Variants in RIMOC1 observed in about 807,000 individuals in gnomAD.
RIMOC1 encodes RAB7A-interacting MON1-CCZ1 complex subunit 1.
the RIMOC1 span, among the ~76,000 whole-genome samples, chr5:41,910,274 C>G: frequency 6.6e-6 from 1 of 151,630 alleles, no homozygotes; most frequent in African/African-American, 2.4e-5. Context: ...TGTTGATCAC[C>G]CCCTCCCTCT....
the RIMOC1 span, among the ~76,000 whole-genome samples, chr5:41,913,826 T>C: frequency 4.6e-5 from 7 of 152,298 alleles, no homozygotes; most frequent in East Asian, 1.2e-3. Context: ...AAACAACTTA[T>C]TGTGAATACA....
chr5:41,905,399 G>A, the RIMOC1 span, among the ~76,000 whole-genome samples: 2 of 152,264 alleles, frequency 1.3e-5, no homozygotes, highest in African/African-American at 4.8e-5. Context: ...AGCCCCTCTA[G>A]TAGTGGGACA....
chr5:41,904,509 G>C, the RIMOC1 span: 1 of 1,578,312 alleles, frequency 6.3e-7, no homozygotes, highest in South Asian at 1.1e-5. Flanking sequence ...GGCAGACGGC[G>C]CTAAGGTACT....
the RIMOC1 span, chr5:41,911,387 G>C: frequency 2.9e-6 from 1 of 347,648 alleles, no homozygotes; most frequent in Non-Finnish European, 5.1e-6. Flanking sequence ...AATCTGCGAA[G>C]TTCTTTTTTT....
chr5:41,916,575 G>C, the RIMOC1 span: 392 of 581,134 alleles, frequency 6.7e-4, no homozygotes, highest in Non-Finnish European at 8.1e-4. Flanking sequence ...CTTGACTTTA[G>C]CTATATGAAT....
the RIMOC1 span, chr5:41,911,311 G>C: frequency 1.1e-5 from 8 of 751,248 alleles, no homozygotes; most frequent in Non-Finnish European, 1.5e-5. Flanking sequence ...TTTACTAGCT[G>C]GGTAATCATA....
chr5:41,904,798 T>C, the RIMOC1 span, among the ~76,000 whole-genome samples: 6 of 152,230 alleles, frequency 3.9e-5, no homozygotes, highest in African/African-American at 1.4e-4. Flanking sequence ...ATGGCTAAGA[T>C]GAATGATAAC....
At chr5:41,920,269 C>T in the RIMOC1 span, 24 of 152,040 alleles carry the variant, frequency 1.6e-4, no homozygotes, top group African/African-American at 5.8e-4. Flanking sequence ...AATTTGTAGA[C>T]CATGGCAGTT....
At chr5:41,907,608 A>C in the RIMOC1 span, 20 of 568,322 alleles carry the variant, frequency 3.5e-5, no homozygotes, top group Admixed American at 5.9e-4. Context: ...TTATTACTAT[A>C]ATTCTGTTTC....
chr5:41,918,019 GCACATC>G, the RIMOC1 span: 7 of 985,426 alleles, frequency 7.1e-6, no homozygotes, highest in Non-Finnish European at 8.4e-6. Context: ...TGTTTTTGTA[GCACATC>G]TTTTCATAAC....
the RIMOC1 span, chr5:41,919,228 A>G: frequency 2.0e-5 from 3 of 152,178 alleles, no homozygotes; most frequent in African/African-American, 4.8e-5. Flanking sequence ...TCTGTTATAT[A>G]AAATCCTTTC....
the RIMOC1 span, chr5:41,917,691 T>C: frequency 1.0e-6 from 1 of 969,088 alleles, no homozygotes; most frequent in Non-Finnish European, 1.2e-6. Context: ...AAGTTTGCCA[T>C]GCTTCAGAAA....
chr5:41,918,108 A>G, the RIMOC1 span: 1 of 985,628 alleles, frequency 1.0e-6, no homozygotes, highest in Non-Finnish European at 1.2e-6. Flanking sequence ...CTAACTTGAT[A>G]TCTTGCTCAT....
the RIMOC1 span, chr5:41,919,615 T>C: frequency 6.6e-6 from 1 of 152,192 alleles, no homozygotes. Context: ...TCCTGATCAA[T>C]TGCAAGTACT....
the RIMOC1 span, among the ~76,000 whole-genome samples, chr5:41,910,048 T>A: frequency 6.6e-6 from 1 of 152,140 alleles, no homozygotes; most frequent in African/African-American, 2.4e-5. Flanking sequence ...CAGACCAATG[T>A]TGCAACAAAA....
chr5:41,907,964 C>T, the RIMOC1 span: 1 of 635,374 alleles, frequency 1.6e-6, no homozygotes, highest in Non-Finnish European at 2.6e-6. Context: ...TAATTTTGTC[C>T]AAAAAACTAT....
chr5:41,912,105 C>T, the RIMOC1 span: 1 of 1,611,466 alleles, frequency 6.2e-7, no homozygotes. Context: ...GCTACAGATG[C>T]TAAATTATCG....
the RIMOC1 span, among the ~76,000 whole-genome samples, chr5:41,908,852 C>T: frequency 6.6e-6 from 1 of 152,136 alleles, no homozygotes; most frequent in Non-Finnish European, 1.5e-5. Flanking sequence ...ATCAACAGAT[C>T]ACCTTTCATA....
At chr5:41,907,222 AATTTTAATTGTAGTAGAT>A in the RIMOC1 span, among the ~76,000 whole-genome samples, 10 of 152,332 alleles carry the variant, frequency 6.6e-5, no homozygotes, top group South Asian at 1.9e-3. Flanking sequence ...TGTATTATGT[AATTTTAATTGTAGTAGAT>A]ATAAACAATT....
Sources: allele counts gnomAD v4.1 joint callset (sites outside exome capture counted in the v4.1 genomes callset), GRCh38; gene constraint gnomAD v4.1.1; transcripts MANE v1.5; gene names NCBI Gene and HGNC (gene_info 2026-07-23, HGNC 2026-07-21).